The following ACYP1 variants were observed in gnomAD, a reference collection of about 807,000 sequenced individuals.
ACYP1 encodes acylphosphatase-1.
A neutral mutation model predicts 10.4 loss-of-function variants in ACYP1; 8 were observed. The ratio of observed to expected loss-of-function variants is 0.77; its 90% confidence interval spans 0.45 to 1.38. ACYP1 has a LOEUF of 1.38. ACYP1 is among the 40% of genes most tolerant of loss of function. ACYP1 has a pLI of 0.00. For missense variants in ACYP1, 93 were observed against 117.3 expected (o/e 0.79, Z 0.96); for synonymous variants, 38 against 40.8 (o/e 0.93, Z 0.26).
upstream of ACYP1, among the ~76,000 whole-genome samples, chr14:75,067,730 G>A (rs571855068): frequency 6.6e-5 from 10 of 152,216 alleles, no homozygotes; most frequent in Admixed American, 3.3e-4. Context: ...CGTCTCTCAC[G>A]TCTATAATCT....
At chr14:75,067,980 C>T (rs1314823405), upstream of ACYP1, among the ~76,000 whole-genome samples, 2 of 151,966 alleles carry the variant, frequency 1.3e-5, no homozygotes, top group African/African-American at 4.8e-5. Context: ...GCCTGGGCAA[C>T]AGAGTGAGGC....
chr14:75,053,749 C>T, intron 2 of ACYP1, 90 bp from the exon 3 acceptor site: 2 of 1,240,206 alleles, frequency 1.6e-6, no homozygotes, highest in Non-Finnish European at 2.3e-6. Flanking sequence ...GGCCTAGAAT[C>T]AAGCCACTGA....
chr14:75,068,494 G>A (rs1480211994), upstream of ACYP1, among the ~76,000 whole-genome samples: 1 of 151,800 alleles, frequency 6.6e-6, no homozygotes, highest in Non-Finnish European at 1.5e-5. Flanking sequence ...GAGAGAGAGA[G>A]GAGAGAGGGA....
At chr14:75,061,636 T>G in intron 2 of ACYP1, 1 of 1,397,678 alleles carries the variant, frequency 7.2e-7, no homozygotes, top group Non-Finnish European at 9.8e-7. Flanking sequence ...CAACTTTGAC[T>G]AATCTTTGAA....
At chr14:75,057,987 A>AAC (rs1304812247) in intron 2 of ACYP1, among the ~76,000 whole-genome samples, 1 of 147,580 alleles carries the variant, frequency 6.8e-6, no homozygotes, top group Non-Finnish European at 1.5e-5. Context: ...AAAAAAAAAA[A>AAC]AGAACTACCT....
upstream of ACYP1, among the ~76,000 whole-genome samples, chr14:75,065,115 A>T (rs1893121209): frequency 6.6e-6 from 1 of 152,236 alleles, no homozygotes; most frequent in African/African-American, 2.4e-5. Context: ...GTCAAGGGGG[A>T]TGTGGATGAA....
intron 2 of ACYP1, among the ~76,000 whole-genome samples, chr14:75,057,979 AAAAAAAAAAG>A (rs1205659229): frequency 1.2e-4 from 17 of 147,386 alleles, no homozygotes; most frequent in African/African-American, 4.0e-4. Context: ...AAAAAAAAAA[AAAAAAAAAAG>A]AACTACCTGC....
At chr14:75,056,466 T>C (rs1892880142) in intron 2 of ACYP1, among the ~76,000 whole-genome samples, 2 of 151,344 alleles carry the variant, frequency 1.3e-5, no homozygotes, top group African/African-American at 4.9e-5. Context: ...TTTTTCTTTT[T>C]TTTTTCTGAA....
chr14:75,053,785 G>A, intron 2 of ACYP1, 126 bp from the exon 3 acceptor site: 1 of 804,840 alleles, frequency 1.2e-6, no homozygotes, highest in Non-Finnish European at 2.0e-6. Flanking sequence ...GCCCAGAACA[G>A]TCAAAAGAAA....
In ACYP1 at chr14:75,063,958, C is replaced by T; in HGVS notation, c.-13G>A. ...TGGGGGCCCCTGGCGGCTCACCCTC[C>T]TTGTCTTCCCCACCGGCTGCCAGGA... On this transcript the variant is annotated 5_prime_UTR_variant, in exon 1 of 3. Coordinates refer to ENST00000238618, the MANE Select transcript of ACYP1 (RefSeq NM_001107.5). 2.0e-6 allele frequency: 2 copies of T among 1,000,082 alleles called. No homozygotes were observed. The highest frequency in any genetic ancestry group is 2.4e-6 in the Non-Finnish European group (2 of 838,008). The allele number at this position is 1,000,082 out of a possible 1,614,324, so 62.0% of individuals were successfully genotyped here.
At chr14:75,053,719 C>T in intron 2 of ACYP1, 60 bp from the exon 3 acceptor site, 12 of 1,490,310 alleles carry the variant, frequency 8.1e-6, no homozygotes, top group Non-Finnish European at 1.1e-5. Context: ...GGTAAGACTA[C>T]AATCTGTTGC....
chr14:75,067,640 A>C (rs10131391), upstream of ACYP1, among the ~76,000 whole-genome samples: 4,160 of 152,208 alleles, frequency 0.027, 219 homozygotes, highest in African/African-American at 0.095. Flanking sequence ...TGCAGGGGAA[A>C]GTTGAGTATA....
upstream of ACYP1, chr14:75,064,434 G>A (rs899981315): frequency 2.0e-5 from 3 of 152,242 alleles, no homozygotes; most frequent in African/African-American, 7.2e-5. Context: ...TAATTCTGGA[G>A]GTGAGAGACA....
intron 2 of ACYP1, among the ~76,000 whole-genome samples, chr14:75,057,977 A>AAAC (rs1160027552): frequency 2.0e-5 from 3 of 147,430 alleles, no homozygotes; most frequent in Non-Finnish European, 4.5e-5. Flanking sequence ...AAAAAAAAAA[A>AAAC]AAAAAAAAAA....
At chr14:75,067,271 G>A (rs1443553047), upstream of ACYP1, among the ~76,000 whole-genome samples, 3 of 151,998 alleles carry the variant, frequency 2.0e-5, no homozygotes, top group South Asian at 4.1e-4. Context: ...TAAATTTAGG[G>A]AGTAGATGGG....
chr14:75,054,485 G>A (rs1245387531), intron 2 of ACYP1, among the ~76,000 whole-genome samples: 2 of 151,536 alleles, frequency 1.3e-5, no homozygotes, highest in African/African-American at 2.4e-5. Context: ...CAATGTTTTG[G>A]AGGTAATTTT....
At chr14:75,066,091 A>C (rs1014802499), upstream of ACYP1, among the ~76,000 whole-genome samples, 2 of 152,202 alleles carry the variant, frequency 1.3e-5, no homozygotes, top group Non-Finnish European at 2.9e-5. Flanking sequence ...GTCTTAACAC[A>C]CAGTCAGGGA....
chr14:75,063,930 C>A (rs1893094329), intron 1 of ACYP1, 24 bp downstream of exon 1: 1 of 1,002,340 alleles, frequency 1.0e-6, no homozygotes, highest in South Asian at 4.3e-5. Flanking sequence ...GAGAAGCACA[C>A]CCTGGGGGCC....
At chr14:75,066,648 C>T (rs1263565062), upstream of ACYP1, among the ~76,000 whole-genome samples, 1 of 152,062 alleles carries the variant, frequency 6.6e-6, no homozygotes, top group Non-Finnish European at 1.5e-5. Context: ...GGTGGATCAC[C>T]TGAGGTCAGG....
Sources: allele counts gnomAD v4.1 joint callset (sites outside exome capture counted in the v4.1 genomes callset), GRCh38; gene constraint gnomAD v4.1.1; transcripts MANE v1.5; gene names NCBI Gene and HGNC (gene_info 2026-07-23, HGNC 2026-07-21).